The following CCDC3 variants were observed in gnomAD, a reference collection of about 807,000 sequenced individuals.
CCDC3 encodes coiled-coil domain-containing protein 3.
In CCDC3, 24 loss-of-function variants were observed where a neutral mutation model predicts 21.4. That is an observed-to-expected ratio of 1.12 (90% confidence interval 0.81 to 1.58). The LOEUF is 1.58. Ranked by LOEUF, CCDC3 falls within the 40% of genes most tolerant of loss-of-function variation. The probability of loss-of-function intolerance (pLI) is 0.00; values close to 1 mark genes in which losing one functional copy is unlikely to be tolerated. For missense variants in CCDC3, 425 were observed against 360.9 expected (o/e 1.18, Z -1.44); for synonymous variants, 186 against 166.0 (o/e 1.12, Z -0.93).
chr10:13,005,101 C>G (rs1002265660), upstream of CCDC3, among the ~76,000 whole-genome samples: 3 of 152,228 alleles, frequency 2.0e-5, no homozygotes, highest in African/African-American at 7.2e-5. Context: ...CCAGCCCTCT[C>G]TTAGTCTAGA....
chr10:13,057,762 C>T (rs61853201), intron 4 of CCDC3: 43,298 of 211,042 alleles, frequency 0.21, 5,063 homozygotes, highest in African/African-American at 0.34. Flanking sequence ...GCCTGTAAAT[C>T]CCAGCTACTC....
intron 3 of CCDC3, among the ~76,000 whole-genome samples, chr10:13,093,449 G>A (rs1343679417): frequency 6.6e-6 from 1 of 152,136 alleles, no homozygotes; most frequent in Non-Finnish European, 1.5e-5. Flanking sequence ...AGATTTGGGT[G>A]GGGACACAGC....
chr10:12,954,716 A>T (rs1262445906), intron 2 of CCDC3, among the ~76,000 whole-genome samples: 1 of 152,186 alleles, frequency 6.6e-6, no homozygotes, highest in Non-Finnish European at 1.5e-5. Flanking sequence ...ATCCACCCCC[A>T]TGACCCAAAC....
At chr10:12,905,910 G>C (rs548395257) in intron 2 of CCDC3, among the ~76,000 whole-genome samples, 5 of 152,290 alleles carry the variant, frequency 3.3e-5, no homozygotes, top group African/African-American at 9.6e-5. Flanking sequence ...CCCCGTAGAG[G>C]GCAGAGGCCA....
chr10:13,041,649 C>T (rs189210381), intron 5 of CCDC3, among the ~76,000 whole-genome samples: 50 of 151,034 alleles, frequency 3.3e-4, no homozygotes, highest in African/African-American at 1.2e-3. Flanking sequence ...CTCAGTCTCC[C>T]GAGTAGCTGG....
rs558358654 is a variant in CCDC3 at position 13,025,564 on chromosome 10, A to G, written c.-2+24110T>C. On this transcript the variant is annotated intron_variant, in intron 5 of 6. Coordinates refer to the CCDC3 transcript ENST00000378839. ...AATCTTGTTAAATATAACGTCAAAAAATCACTTTTATAAATTTTCATTTTA... is the reference window on the plus strand; with the variant it reads ...AATCTTGTTAAATATAACGTCAAAAGATCACTTTTATAAATTTTCATTTTA... Among the ~76,000 whole-genome samples, 3 of 152,282 alleles carry G rather than the reference A, an allele frequency of 2.0e-5. No homozygotes were observed. The South Asian group carries it at 6.2e-4, about 32-fold the overall frequency.
chr10:13,014,617 A>G (rs1295225742), intron 5 of CCDC3, among the ~76,000 whole-genome samples: 1 of 151,996 alleles, frequency 6.6e-6, no homozygotes, highest in African/African-American at 2.4e-5. Flanking sequence ...GTGGTACTAT[A>G]TCAAAGCTAT....
chr10:13,085,285 A>T (rs1466138722), intron 3 of CCDC3, among the ~76,000 whole-genome samples: 3 of 152,132 alleles, frequency 2.0e-5, no homozygotes, highest in African/African-American at 7.2e-5. Context: ...AAAGGGAGCC[A>T]CTCCAGTGGT....
chr10:12,913,799 T>C (rs376389104), intron 2 of CCDC3, among the ~76,000 whole-genome samples: 3 of 152,242 alleles, frequency 2.0e-5, no homozygotes, highest in Admixed American at 6.5e-5. Context: ...TTAAAGGAAG[T>C]TGAATTTTGT....
intron 2 of CCDC3, among the ~76,000 whole-genome samples, chr10:12,986,596 A>C (rs575841298): frequency 2.6e-5 from 4 of 152,290 alleles, no homozygotes; most frequent in African/African-American, 7.2e-5. Flanking sequence ...AACATGGTGA[A>C]ACCCCATCTC....
intron 4 of CCDC3, among the ~76,000 whole-genome samples, chr10:13,055,902 G>A (rs1836675431): frequency 6.6e-6 from 1 of 152,192 alleles, no homozygotes; most frequent in Admixed American, 6.5e-5. Context: ...AACAATTGGA[G>A]TGGGGAGGTC....
intron 2 of CCDC3, among the ~76,000 whole-genome samples, chr10:12,939,831 G>A (rs1046285507): frequency 3.3e-5 from 5 of 152,138 alleles, no homozygotes; most frequent in Admixed American, 1.3e-4. Context: ...CAACAACAAC[G>A]ACAACAAAAC....
intron 4 of CCDC3, chr10:13,058,548 T>C: frequency 1.4e-6 from 1 of 715,362 alleles, no homozygotes; most frequent in Middle Eastern, 3.9e-4. Context: ...GTGTGCTGTA[T>C]TTATTTTTAT....
At chr10:13,054,660 CCTCCTCTCTG>C (rs1294324596) in intron 4 of CCDC3, among the ~76,000 whole-genome samples, 4 of 152,006 alleles carry the variant, frequency 2.6e-5, no homozygotes, top group Admixed American at 6.6e-5. Flanking sequence ...TCTCCTCTCC[CCTCCTCTCTG>C]CTCCTCTCTT....
intron 5 of CCDC3, among the ~76,000 whole-genome samples, chr10:13,019,063 C>T (rs928819972): frequency 4.6e-5 from 7 of 152,102 alleles, no homozygotes; most frequent in African/African-American, 1.7e-4. Context: ...GAAACCCCGT[C>T]TCTACTAAAA....
chr10:12,951,871 C>T (rs1482495742), intron 2 of CCDC3, among the ~76,000 whole-genome samples: 1 of 147,130 alleles, frequency 6.8e-6, no homozygotes, highest in African/African-American at 2.5e-5. Flanking sequence ...ATGGAAGCCA[C>T]TGATTTCATA....
chr10:12,984,188 A>C (rs763377630), intron 2 of CCDC3, among the ~76,000 whole-genome samples: 1 of 152,360 alleles, frequency 6.6e-6, no homozygotes, highest in South Asian at 2.1e-4. Context: ...ATAATAAACA[A>C]GGAACTATTA....
intron 2 of CCDC3, among the ~76,000 whole-genome samples, chr10:12,909,363 T>A (rs111373303): frequency 7.2e-5 from 11 of 152,252 alleles, no homozygotes; most frequent in African/African-American, 2.6e-4. Flanking sequence ...GACCTGATGA[T>A]GTTATCTTCT....
chr10:12,908,501 G>C (rs188064783), intron 2 of CCDC3, among the ~76,000 whole-genome samples: 1 of 152,126 alleles, frequency 6.6e-6, no homozygotes, highest in Non-Finnish European at 1.5e-5. Flanking sequence ...AGAAGCCTGG[G>C]AAACACTAGG....
Sources: allele counts gnomAD v4.1 joint callset (sites outside exome capture counted in the v4.1 genomes callset), GRCh38; gene constraint gnomAD v4.1.1; transcripts MANE v1.5; gene names NCBI Gene and HGNC (gene_info 2026-07-23, HGNC 2026-07-21).